The following TTC6 variants were observed in gnomAD, a reference collection of about 807,000 sequenced individuals.
TTC6 encodes the protein tetratricopeptide repeat protein 6.
Under a neutral mutation model 210.4 loss-of-function variants are expected in TTC6, and 172 were observed. The observed-to-expected ratio is 0.82, with a 90% CI of 0.72 to 0.93. The LOEUF (loss-of-function observed/expected upper bound fraction) is 0.93. Ranked by LOEUF, TTC6 falls within the 40% of genes least tolerant of loss-of-function variation. The pLI, the probability that TTC6 is intolerant of heterozygous loss-of-function variation, is 0.00. For synonymous variants in TTC6, 804 were observed against 819.6 expected (o/e 0.98, Z 0.32); for missense variants, 2,414 against 2,318.1 (o/e 1.04, Z -0.85).
intron 14 of TTC6, among the ~76,000 whole-genome samples, chr14:37,756,772 C>T (rs1289979825): frequency 6.6e-6 from 1 of 152,122 alleles, no homozygotes; most frequent in Non-Finnish European, 1.5e-5. Context: ...AGGATTTTCA[C>T]ATCGATGTTC....
At position 37,665,515 on chromosome 14, in the gene TTC6, G is replaced by C. The variant is rs535620501; in HGVS notation, c.940-14636G>C. On this transcript the variant is annotated intron_variant, in intron 1 of 30. Transcript: ENST00000553443. ...GCCAGTCAGTGGGTATGGCAGGAGG[G>C]AGAGCACCAGGAAGAACAGCTAATG... 7.3e-5 allele frequency among the ~76,000 whole-genome samples: 11 copies of C among 150,444 alleles called. No homozygotes were observed. In the East Asian group the frequency reaches 2.1e-3, roughly 29 times the overall value.
chr14:37,693,200 G>T (rs1481969650), intron 3 of TTC6, among the ~76,000 whole-genome samples: 2 of 152,104 alleles, frequency 1.3e-5, no homozygotes, highest in Non-Finnish European at 2.9e-5. Flanking sequence ...TAGTAAAGTT[G>T]CAGGACAAAA....
intron 5 of TTC6, among the ~76,000 whole-genome samples, chr14:37,712,892 A>C (rs1243188578): frequency 1.3e-5 from 2 of 152,164 alleles, no homozygotes; most frequent in Non-Finnish European, 2.9e-5. Context: ...GGGACTTAGT[A>C]ATGGGAATTT....
intron 14 of TTC6, among the ~76,000 whole-genome samples, chr14:37,784,384 T>G (rs2096062648): frequency 6.6e-6 from 1 of 152,222 alleles, no homozygotes; most frequent in African/African-American, 2.4e-5. Context: ...AATGGCCTCC[T>G]TGTGTCTTTT....
chr14:37,636,500 AACAAT>A (rs2095681006), intron 1 of TTC6, among the ~76,000 whole-genome samples: 1 of 152,196 alleles, frequency 6.6e-6, no homozygotes, highest in East Asian at 1.9e-4. Flanking sequence ...TTGGAAACTA[AACAAT>A]ACAATTCTGA....
intron 15 of TTC6, among the ~76,000 whole-genome samples, 200 bp downstream of exon 17, chr14:37,787,837 A>G (rs1005949184): frequency 6.6e-6 from 1 of 152,048 alleles, no homozygotes; most frequent in African/African-American, 2.4e-5. Flanking sequence ...ATATATAGCT[A>G]TAATGGTTTA....
rs2095608117 is a variant in TTC6 at position 37,598,151 on chromosome 14, C to G, written c.-235+2143C>G. On this transcript the variant is annotated intron_variant, in intron 1 of 2. Transcript: ENST00000556845. The surrounding 1 kb of genome is among the most constrained non-coding windows in gnomAD (Gnocchi z 4.9). ...CCAACCTCTTTTCCCAAATAGGCAC[C>G]TACACCATTGGAAACTGTGCTTTGC... Among the ~76,000 whole-genome samples the G allele has an allele frequency of 6.6e-6, 1 of 152,214 alleles. No homozygotes were observed. The highest frequency in any genetic ancestry group is 2.4e-5 in the African/African-American group (1 of 41,446).
chr14:37,798,024 G>A lies in TTC6; in HGVS notation c.4029+1077G>A, dbSNP rs147519810. Among the ~76,000 whole-genome samples the A allele has an allele frequency of 8.6e-5, 13 of 152,032 alleles. No homozygotes were observed. The East Asian group carries it at 2.5e-3, about 29-fold the overall frequency. On this transcript the variant is annotated intron_variant, in intron 20 of 30. Coordinates refer to ENST00000553443, the Ensembl canonical transcript of TTC6. ...TCCTTTGGTCAATTTTTCTATTACT[G>A]GCCCAGCAGTACAATGTCTTAATTG...
intron 10 of TTC6, among the ~76,000 whole-genome samples, chr14:37,745,199 G>T (rs2138991076): frequency 6.6e-6 from 1 of 152,286 alleles, no homozygotes; most frequent in South Asian, 2.1e-4. Context: ...GGTGCCAGGA[G>T]GTGTGTTCAT....
Position 37,635,844 on chromosome 14 carries a change from T to C in TTC6, c.939+12841T>C, listed in dbSNP as rs558547619. On this transcript the variant is annotated intron_variant, in intron 1 of 30. Coordinates refer to ENST00000553443, the Ensembl canonical transcript of TTC6. ...AAATACAAAAATTAGACAGGTGTGG[T>C]GGTGCATGCCTGTAATCCCAGCTAT... 1.1e-3 allele frequency among the ~76,000 whole-genome samples: 165 copies of C among 151,854 alleles called. 2 individuals carry two copies. In the Middle Eastern group the frequency reaches 0.068, roughly 63 times the overall value.
At chr14:37,759,075 A>G (rs774523904) in intron 14 of TTC6, among the ~76,000 whole-genome samples, 1 of 152,030 alleles carries the variant, frequency 6.6e-6, no homozygotes, top group Non-Finnish European at 1.5e-5. Flanking sequence ...GATTGAGACC[A>G]TCCTGGCTAA....
intron 20 of TTC6, among the ~76,000 whole-genome samples, chr14:37,797,300 G>A (rs1465716955): frequency 6.6e-6 from 1 of 152,004 alleles, no homozygotes; most frequent in East Asian, 1.9e-4. Flanking sequence ...GTGTATTCCT[G>A]TTCCTGTTGG....
intron 1 of TTC6, among the ~76,000 whole-genome samples, chr14:37,675,016 G>A (rs1043068450): frequency 7.2e-5 from 11 of 151,860 alleles, no homozygotes; most frequent in African/African-American, 2.7e-4. Flanking sequence ...GACATTTGTT[G>A]TGTACCTGCT....
exon 21 of TTC6, chr14:37,804,729 A>G (rs781267836): frequency 1.2e-5 from 20 of 1,614,070 alleles, no homozygotes; most frequent in Non-Finnish European, 1.6e-5. Context: ...TCTCATTCTG[A>G]TAAAGGACCA....
At chr14:37,714,463 G>A (rs2095849328) in intron 5 of TTC6, among the ~76,000 whole-genome samples, 192 bp from the exon 8 acceptor site, 2 of 151,602 alleles carry the variant, frequency 1.3e-5, no homozygotes, top group East Asian at 2.0e-4. Flanking sequence ...CTACTAAAAT[G>A]TATTAAGAAC....
At chr14:37,822,511 A>G (rs1462332317) in intron 26 of TTC6, among the ~76,000 whole-genome samples, 3 of 152,226 alleles carry the variant, frequency 2.0e-5, no homozygotes, top group Non-Finnish European at 2.9e-5. Flanking sequence ...AATGAAGAGA[A>G]TGGAAGGAAG....
In TTC6 at chr14:37,680,403, A is replaced by G. The variant is rs2095780720; in HGVS notation, c.1050+142A>G. On this transcript the variant is annotated intron_variant, in intron 2 of 30. Coordinates refer to ENST00000553443, the Ensembl canonical transcript of TTC6. ...TTTACCTGTGAGAGCATCTAACTCGATACCACACTGGGAGTCTTGGCCATT... is the reference window on the plus strand; with the variant it reads ...TTTACCTGTGAGAGCATCTAACTCGGTACCACACTGGGAGTCTTGGCCATT... 16 of 570,150 alleles carry G rather than the reference A, an allele frequency of 2.8e-5. No homozygotes were observed. In the South Asian group the frequency reaches 4.0e-4, roughly 14 times the overall value. The allele number at this position is 570,150 out of a possible 1,614,324, so 35.3% of individuals were successfully genotyped here. A position where few individuals can be genotyped will look rare whatever the true frequency, so the allele number is the denominator to read the frequency against.
At chr14:37,740,667 A>T (rs2095916278) in intron 10 of TTC6, among the ~76,000 whole-genome samples, 1 of 152,222 alleles carries the variant, frequency 6.6e-6, no homozygotes, top group Admixed American at 6.5e-5. Flanking sequence ...TGTTCTCTGT[A>T]TACTACATAT....
intron 29 of TTC6, among the ~76,000 whole-genome samples, chr14:37,840,409 G>C (rs1204239019): frequency 1.3e-5 from 2 of 152,150 alleles, no homozygotes; most frequent in Non-Finnish European, 2.9e-5. Context: ...TCTGCCAGAG[G>C]TGCAAAGAGG....
Sources: gnomAD v4.1 joint callset for allele counts (sites outside exome capture counted in the v4.1 genomes callset) on GRCh38, gnomAD v4.1.1 for gene constraint, Gnocchi (gnomAD v3.1) non-coding constraint, MANE v1.5 for transcripts, NCBI Gene and HGNC (gene_info 2026-07-23, HGNC 2026-07-21) for gene names.